The following TRIM24 variants were observed in gnomAD, a reference collection of about 807,000 sequenced individuals.
TRIM24 encodes the protein tripartite motif containing 24.
A neutral mutation model predicts 123.9 loss-of-function variants in TRIM24; 29 were observed. That is an observed-to-expected ratio of 0.23 (90% CI 0.17 to 0.32). TRIM24 has a LOEUF of 0.32. Among genes scored for constraint, TRIM24 ranks in the 10% least tolerant of loss-of-function variants. TRIM24 has a pLI of 1.00. For synonymous variants in TRIM24, 456 were observed against 461.1 expected, an observed-to-expected ratio of 0.99 and a Z score of 0.14; for missense variants, 932 against 1,295.3, an observed-to-expected ratio of 0.72 and a Z score of 4.31.
At position 138,577,464 on chromosome 7, in the gene TRIM24, A is replaced by G; in HGVS notation, c.2132A>G (p.Lys711Arg). The G allele has an allele frequency of 6.2e-7, 1 of 1,600,428 alleles. No individual in the cohort carries two copies. Among genetic ancestry groups the G allele is most frequent in the Non-Finnish European group, 8.5e-7 (1 of 1,174,184 alleles). Reference sequence around the variant, plus strand: ...CCAGCAGGAGCTGACTCTACACACAAAGTCCCAGTGGTCATGCTGGAGCCA... The same window carrying G: ...CCAGCAGGAGCTGACTCTACACACAGAGTCCCAGTGGTCATGCTGGAGCCA... The part of the protein sequence containing the change: ...SKPAGADSTH[K>R]VPVVMLEPIR... The change falls in exon 14 of 19, where the codon AAA becomes AGA. Residue 711 changes from lysine (K) to arginine (R), a missense_variant. This residue lies in a region of TRIM24 where 527 missense variants were observed against 691.3 expected (regional missense o/e 0.76). Coordinates refer to ENST00000343526, the MANE Select transcript of TRIM24 (RefSeq NM_015905.3).
chr7:138,476,413 T>A (rs1037294192), intron 1 of TRIM24, among the ~76,000 whole-genome samples: 2 of 151,738 alleles, frequency 1.3e-5, no homozygotes, highest in African/African-American at 4.8e-5. Flanking sequence ...ACCAACATGG[T>A]GAAATCCTGT....
At chr7:138,559,018 T>C (rs997679878) in intron 9 of TRIM24, among the ~76,000 whole-genome samples, 3 of 152,184 alleles carry the variant, frequency 2.0e-5, no homozygotes, top group African/African-American at 7.2e-5. Flanking sequence ...CTGGCAAACA[T>C]TGAAGTATAA....
chr7:138,570,436 C>G (rs1797630474), intron 10 of TRIM24, among the ~76,000 whole-genome samples: 1 of 152,084 alleles, frequency 6.6e-6, no homozygotes, highest in Non-Finnish European at 1.5e-5. Flanking sequence ...CCTGAAAGTA[C>G]CAGTCTGTAG....
At chr7:138,465,780 T>G (rs935776610) in intron 1 of TRIM24, among the ~76,000 whole-genome samples, 2 of 152,192 alleles carry the variant, frequency 1.3e-5, no homozygotes, top group African/African-American at 4.8e-5. Context: ...GGTATCAGTA[T>G]TTTTTAGTTT....
intron 1 of TRIM24, among the ~76,000 whole-genome samples, chr7:138,469,119 T>A (rs1795214250): frequency 6.6e-6 from 1 of 152,220 alleles, no homozygotes; most frequent in Non-Finnish European, 1.5e-5. Context: ...CAGTACTAGT[T>A]ACTCTATTCC....
chr7:138,543,537 G>A (rs577875248), intron 7 of TRIM24, among the ~76,000 whole-genome samples: 1 of 152,186 alleles, frequency 6.6e-6, no homozygotes, highest in East Asian at 1.9e-4. Flanking sequence ...TTTAAGTGAT[G>A]GATTTTATGT....
chr7:138,578,599 A>C, intron 14 of TRIM24, among the ~76,000 whole-genome samples: 1 of 151,768 alleles, frequency 6.6e-6, no homozygotes, highest in South Asian at 2.1e-4. Flanking sequence ...ACGGGGTTGG[A>C]GAATCAGAAT....
intron 4 of TRIM24, among the ~76,000 whole-genome samples, chr7:138,523,551 T>C (rs1584717474): frequency 6.6e-6 from 1 of 152,152 alleles, no homozygotes; most frequent in African/African-American, 2.4e-5. Flanking sequence ...GTCAGGAGAT[T>C]GAGACCATCC....
At chr7:138,579,807 C>T (rs12666310) in intron 15 of TRIM24, among the ~76,000 whole-genome samples, 1 of 152,000 alleles carries the variant, frequency 6.6e-6, no homozygotes, top group African/African-American at 2.4e-5. Context: ...CCTGTAGTCC[C>T]AGCTACTCAG....
chr7:138,478,777 C>G (rs1478873787), intron 1 of TRIM24, among the ~76,000 whole-genome samples: 1 of 152,106 alleles, frequency 6.6e-6, no homozygotes, highest in African/African-American at 2.4e-5. Context: ...GTAGAAAGTA[C>G]CTAGTTAGAG....
intron 7 of TRIM24, among the ~76,000 whole-genome samples, chr7:138,550,214 A>G (rs1337359449): frequency 6.6e-6 from 1 of 152,126 alleles, no homozygotes; most frequent in Non-Finnish European, 1.5e-5. Context: ...AATTATATTC[A>G]GGCAGAATGT....
intron 14 of TRIM24, among the ~76,000 whole-genome samples, chr7:138,578,810 TTTTTGTTATTGA>T (rs1797829491): frequency 6.6e-6 from 1 of 152,190 alleles, no homozygotes; most frequent in African/African-American, 2.4e-5. Context: ...AAGGAGATTG[TTTTTGTTATTGA>T]TTTGAAATTT....
intron 18 of TRIM24, among the ~76,000 whole-genome samples, chr7:138,584,245 CTAGACA>C (rs1407355727): frequency 1.3e-5 from 2 of 152,262 alleles, no homozygotes; most frequent in Admixed American, 1.3e-4. Context: ...TTTCTCTGAC[CTAGACA>C]TATTCTTTAT....
chr7:138,460,580 C>T lies in TRIM24; in HGVS notation c.32C>T (p.Ala11Val). The T allele has an allele frequency of 7.6e-7, 1 of 1,314,568 alleles. No homozygotes were observed. The highest frequency in any genetic ancestry group is 9.6e-7 in the Non-Finnish European group (1 of 1,042,312). The allele number at this position is 1,314,568 out of a possible 1,614,324, so 81.4% of individuals were successfully genotyped here. The change falls in exon 1 of 19, where the codon GCG becomes GTG. Residue 11 changes from alanine to valine, a missense_variant. Transcript: ENST00000343526. MEVAVEKAVA[A>V]AAAASAAASG... ...GTGGCGGTGGAGAAGGCGGTGGCGG[C>T]GGCGGCAGCGGCCTCGGCTGCGGCC...
intron 3 of TRIM24, among the ~76,000 whole-genome samples, chr7:138,516,323 T>C (rs1283780783): frequency 6.6e-6 from 1 of 151,984 alleles, no homozygotes; most frequent in Non-Finnish European, 1.5e-5. Flanking sequence ...ATAATAATAA[T>C]AACTCCAATT....
chr7:138,568,968 T>A (rs953482654), intron 10 of TRIM24, among the ~76,000 whole-genome samples: 10 of 152,192 alleles, frequency 6.6e-5, no homozygotes, highest in African/African-American at 2.4e-4. Context: ...CTTTGCTATA[T>A]CATCACCAAA....
At chr7:138,506,831 G>A (rs769364564) in intron 2 of TRIM24, among the ~76,000 whole-genome samples, 21 of 152,222 alleles carry the variant, frequency 1.4e-4, no homozygotes, top group Non-Finnish European at 2.4e-4. Context: ...ATTTGGTGAG[G>A]ATGGAGACTG....
In TRIM24 at chr7:138,460,634, G is replaced by T; in HGVS notation, c.86G>T (p.Gly29Val). 1 of 1,441,648 alleles carries T rather than the reference G, an allele frequency of 6.9e-7. No individual in the cohort carries two copies. The allele number at this position is 1,441,648 out of a possible 1,614,324, so 89.3% of individuals were successfully genotyped here. A position where few individuals can be genotyped will look rare whatever the true frequency, so the allele number is the denominator to read the frequency against. Residue 29 changes from glycine (G) to valine (V), a missense_variant, in exon 1 of 19, where the codon GGG (glycine) becomes GTG (valine). Gly to Val is a moderately radical substitution (Grantham distance 109). Around this residue, in one of 7 missense-constraint regions of TRIM24, gnomAD observed 164 missense variants for 181.9 expected, o/e 0.90. Transcript: ENST00000343526. ...ASGGPSAAPSGENEAESRQGP... is the reference protein window; with the variant it reads ...ASGGPSAAPSVENEAESRQGP... The stretch of plus-strand genomic sequence containing the variant: ...GGGGGGCCCTCGGCGGCGCCGAGCG[G>T]GGAGAACGAGGCCGAGAGTCGGCAG...
chr7:138,546,702 CT>C (rs1237872213), intron 7 of TRIM24, among the ~76,000 whole-genome samples: 2 of 152,066 alleles, frequency 1.3e-5, no homozygotes, highest in African/African-American at 4.8e-5. Flanking sequence ...ATGTAGGGTT[CT>C]TTTACTTTTC....
Sources: gnomAD v4.1 joint callset for allele counts (sites outside exome capture counted in the v4.1 genomes callset) on GRCh38, gnomAD v4.1.1 for gene constraint, gnomAD v4.1.1 regional missense constraint, MANE v1.5 for transcripts, NCBI Gene and HGNC (gene_info 2026-07-23, HGNC 2026-07-21) for gene names.